Variants in HEMK1 observed in about 807,000 individuals in gnomAD.
HEMK1 encodes the protein HemK methyltransferase 1, mitochondrial release factors N(5)-glutamine, also known as MTRF1L release factor glutamine methyltransferase.
HEMK1 carries 36 observed loss-of-function variants against 47.9 expected under a neutral mutation model. The observed-to-expected ratio is 0.75, with a 90% CI of 0.58 to 0.99. The LOEUF is 0.99. HEMK1 is among the 50% of genes least tolerant of loss of function. The probability of loss-of-function intolerance (pLI) is 0.00; values close to 1 mark genes in which losing one functional copy is unlikely to be tolerated. For synonymous variants in HEMK1, 153 were observed against 165.4 expected (o/e 0.93, Z 0.57); for missense variants, 383 against 434.5 (o/e 0.88, Z 1.05).
chr3:50,591,330 A>G lies in HEMK1; in HGVS notation c.*10913A>G, dbSNP rs2031710184. 1.3e-5 allele frequency: 2 copies of G among 152,256 alleles called. No individual in the cohort carries two copies. Among genetic ancestry groups the G allele is most frequent in the South Asian group, 4.1e-4 (2 of 4,836 alleles). The allele number at this position is 152,256 out of a possible 1,614,324, so 9.4% of individuals were successfully genotyped here. ...GTGGGGCCCTGGCCTTGCAGAACTC[A>G]TGGACTTGCACATAGACTCCTCCTG... On this transcript the variant is annotated 3_prime_UTR_variant, in exon 11 of 11. Coordinates refer to ENST00000232854, the MANE Select transcript of HEMK1 (RefSeq NM_016173.5).
At chr3:50,575,409 C>T (rs1047616576) in intron 4 of HEMK1, among the ~76,000 whole-genome samples, 8 of 149,878 alleles carry the variant, frequency 5.3e-5, no homozygotes, top group South Asian at 2.1e-4. Flanking sequence ...GGCAACAGAG[C>T]GAAACTCTGT....
intron 4 of HEMK1, among the ~76,000 whole-genome samples, chr3:50,575,422 CAA>C (rs35905380): frequency 1.4e-5 from 2 of 139,058 alleles, no homozygotes; most frequent in Non-Finnish European, 1.6e-5. Context: ...AACTCTGTCT[CAA>C]AAAAAAAAAG....
chr3:50,573,672 C>A (rs907482504), intron 4 of HEMK1, among the ~76,000 whole-genome samples: 1 of 152,176 alleles, frequency 6.6e-6, no homozygotes, highest in African/African-American at 2.4e-5. Flanking sequence ...CAGGTTCACC[C>A]CAATGTAAAG....
intron 1 of HEMK1, chr3:50,570,248 T>C (rs1179186119): frequency 6.6e-6 from 1 of 152,246 alleles, no homozygotes; most frequent in Non-Finnish European, 1.5e-5. Context: ...AAACGCTAGT[T>C]TGGACTTTTA....
rs1700965754 is a variant in HEMK1, at chr3:50,571,591, C to T, written c.229-119C>T. The T allele has an allele frequency of 4.2e-6, 4 of 958,494 alleles. No homozygotes were observed. In the Admixed American group the frequency reaches 5.3e-5, roughly 13 times the overall value. The allele number at this position is 958,494 out of a possible 1,614,324, so 59.4% of individuals were successfully genotyped here. A position where few individuals can be genotyped will look rare whatever the true frequency, so the allele number is the denominator to read the frequency against. On this transcript the variant is annotated intron_variant, in intron 2 of 10. Coordinates refer to ENST00000232854, the MANE Select transcript of HEMK1 (RefSeq NM_016173.5). The stretch of plus-strand genomic sequence containing the variant: ...GGCAGGATGCTGCCCCCTCTGGGCC[C>T]AGATGATGAGAGGGTTGGGCCTCCA...
chr3:50,578,892 C>A lies in HEMK1; in HGVS notation c.736C>A (p.Gln246Lys). The A allele has an allele frequency of 6.2e-7, 1 of 1,613,088 alleles. No individual in the cohort carries two copies. The highest frequency in any genetic ancestry group is 8.5e-7 in the Non-Finnish European group (1 of 1,179,570). Residue 246 changes from glutamine to lysine, a missense_variant, in exon 8 of 11, where the codon CAG becomes AAG. Coordinates refer to ENST00000232854, the MANE Select transcript of HEMK1 (RefSeq NM_016173.5). ...IVSNPPYVFH[Q>K]DMEQLAPEIR... ...CAGCAACCCTCCCTACGTCTTCCAC[C>A]AGGACATGGAGCAGCTGGCCCCTGA... is the stretch of plus-strand genomic sequence containing the variant.
rs1007087025 is a variant in HEMK1 at position 50,595,549 on chromosome 3, G to A, written c.*15132G>A. 1.3e-5 allele frequency: 2 copies of A among 152,156 alleles called. No homozygotes were observed. Among genetic ancestry groups the A allele is most frequent in the Admixed American group, 6.5e-5 (1 of 15,282 alleles). 9.4% of individuals were successfully genotyped at this position (152,156 alleles called of 1,614,324 possible). A position where few individuals can be genotyped will look rare whatever the true frequency, so the allele number is the denominator to read the frequency against. On this transcript the variant is annotated 3_prime_UTR_variant, in exon 11 of 11. Transcript: ENST00000232854. ...GACAATAAAATCTGCCTTTTGCTCT[G>A]GAGGGAGATACTACCTCTATCTTCT...
chr3:50,578,872 A>G lies in HEMK1; in HGVS notation c.716A>G (p.Asn239Ser), dbSNP rs1473895103. ...PWGPMDLIVS[N>S]PPYVFHQDME... is the part of the protein sequence containing the mutation. The stretch of plus-strand genomic sequence containing the variant: ...GGCCCCATGGACCTGATTGTCAGCA[A>G]CCCTCCCTACGTCTTCCACCAGGAC... The change falls in exon 8 of 11, where the codon AAC becomes AGC. Residue 239 changes from asparagine to serine, a missense_variant. Coordinates refer to ENST00000232854, the MANE Select transcript of HEMK1 (RefSeq NM_016173.5). The G allele has an allele frequency of 3.1e-6, 5 of 1,613,102 alleles. No individual in the cohort carries two copies. Among genetic ancestry groups the G allele is most frequent in the South Asian group, 2.2e-5 (2 of 90,850 alleles).
rs373334073 is a variant in HEMK1, at chr3:50,577,830, C to T, written c.619C>T (p.Arg207Trp). The change falls in exon 7 of 11, where the codon CGG (arginine) becomes TGG (tryptophan). Residue 207 changes from arginine (R) to tryptophan (W), a missense_variant. By Grantham distance (101) the Arg-to-Trp change is moderately radical. Transcript: ENST00000232854. ...SLTHENAQRL[R>W]LQDRIWIIHL... is the part of the protein sequence containing the mutation. ...CCTTTCTCCCTGTCTGTGTAGGCTTCGGTTGCAGGACAGGATTTGGATCAT... is the reference window on the plus strand; with the variant it reads ...CCTTTCTCCCTGTCTGTGTAGGCTTTGGTTGCAGGACAGGATTTGGATCAT... 37 of 1,613,954 alleles carry T rather than the reference C, an allele frequency of 2.3e-5. No homozygotes were observed. Among genetic ancestry groups the T allele is most frequent in the South Asian group, 4.4e-5 (4 of 91,072 alleles).
intron 1 of HEMK1, chr3:50,570,236 A>G (rs1197056914): frequency 6.6e-6 from 1 of 152,248 alleles, no homozygotes; most frequent in Non-Finnish European, 1.5e-5. Context: ...CAGGTGCTTA[A>G]TAAACGCTAG....
At chr3:50,577,271 G>C (rs1345943232) in intron 5 of HEMK1, 85 bp downstream of exon 5, 2 of 1,481,754 alleles carry the variant, frequency 1.3e-6, no homozygotes, top group African/African-American at 1.4e-5. Context: ...CCCTCTGCTA[G>C]GAGCGCTTGA....
chr3:50,575,079 G>T (rs1232061699), intron 4 of HEMK1, among the ~76,000 whole-genome samples: 1 of 152,116 alleles, frequency 6.6e-6, no homozygotes, highest in Non-Finnish European at 1.5e-5. Flanking sequence ...AGACCTGGGG[G>T]TGTGAGACTC....
rs1336737579 is a variant in HEMK1, at chr3:50,580,636, A to G, written c.*219A>G. On this transcript the variant is annotated 3_prime_UTR_variant, in exon 11 of 11. Transcript: ENST00000232854. ...GTGTTGGTGAAATTGCTGTGGGGGT[A>G]TCGGGGGATATGGCCAGTAAAGTAT... 1.3e-5 allele frequency: 8 copies of G among 596,290 alleles called. No individual in the cohort carries two copies. The highest frequency in any genetic ancestry group is 2.4e-5 in the Non-Finnish European group (8 of 335,208). The allele number at this position is 596,290 out of a possible 1,614,324, so 36.9% of individuals were successfully genotyped here.
chr3:50,569,802 G>C (rs893883501), intron 1 of HEMK1: 1 of 152,256 alleles, frequency 6.6e-6, no homozygotes, highest in Non-Finnish European at 1.5e-5. Flanking sequence ...CTGGAGTCTG[G>C]TGGACTCGGG....
Position 50,580,149 on chromosome 3 carries a change from G to C in HEMK1, c.900G>C (p.Pro300=). The change falls in exon 10 of 11, where the codon CCG becomes CCC. Residue 300 remains proline (P), a synonymous_variant. Transcript: ENST00000232854. The part of the protein sequence containing the change: ...SIFLEVDPRH[P]ELVSSWLQSR... Reference sequence around the variant, plus strand: ...TCTTAGAAGTGGACCCAAGGCACCCGGAGCTTGTCAGCAGCTGGCTTCAGA... The same window carrying C: ...TCTTAGAAGTGGACCCAAGGCACCCCGAGCTTGTCAGCAGCTGGCTTCAGA... The C allele has an allele frequency of 6.2e-7, 1 of 1,614,154 alleles. No individual in the cohort carries two copies. Among genetic ancestry groups the C allele is most frequent in the Non-Finnish European group, 8.5e-7 (1 of 1,180,014 alleles).
At chr3:50,578,606 G>A (rs1041192947) in intron 7 of HEMK1, among the ~76,000 whole-genome samples, 1 of 152,238 alleles carries the variant, frequency 6.6e-6, no homozygotes, top group Non-Finnish European at 1.5e-5. Flanking sequence ...GACACTCTAT[G>A]CCTTGAAATG....
chr3:50,578,762 A>G, intron 7 of HEMK1, 59 bp from the exon 8 acceptor site: 1 of 1,145,380 alleles, frequency 8.7e-7, no homozygotes, highest in Non-Finnish European at 1.3e-6. Context: ...AGGTGGAGCT[A>G]TCATCCTTTA....
intron 4 of HEMK1, 115 bp downstream of exon 4, chr3:50,572,323 C>A: frequency 2.9e-6 from 3 of 1,020,488 alleles, no homozygotes; most frequent in Non-Finnish European, 4.3e-6. Flanking sequence ...AGGGACAGTG[C>A]CTTTCTAGAC....
At chr3:50,577,730 T>C in intron 6 of HEMK1, 96 bp from the exon 7 acceptor site, 1 of 1,426,816 alleles carries the variant, frequency 7.0e-7, no homozygotes, top group Non-Finnish European at 9.9e-7. Flanking sequence ...AGTGAGTATC[T>C]TGCCAGTCCA....
Sources: allele counts gnomAD v4.1 joint callset (sites outside exome capture counted in the v4.1 genomes callset), GRCh38; gene constraint gnomAD v4.1.1; transcripts MANE v1.5; gene names NCBI Gene and HGNC (gene_info 2026-07-23, HGNC 2026-07-21).